The following CALHM3 variants were observed in gnomAD, a reference collection of about 807,000 sequenced individuals.
The protein encoded by CALHM3 is calcium homeostasis modulator protein 3.
A neutral mutation model predicts 13.6 loss-of-function variants in CALHM3; 9 were observed. The ratio of observed to expected loss-of-function variants is 0.66; its 90% CI spans 0.40 to 1.15. CALHM3 has a LOEUF of 1.15. Among genes scored for constraint, CALHM3 ranks in the 50% most tolerant of loss-of-function variants. The probability of loss-of-function intolerance (pLI) is 0.01; values close to 1 mark genes in which losing one functional copy is unlikely to be tolerated. For missense variants in CALHM3, 497 were observed against 463.4 expected, an observed-to-expected ratio of 1.07 and a Z score of -0.67; for synonymous variants, 231 against 213.2, an observed-to-expected ratio of 1.08 and a Z score of -0.73.
rs973751324 is a variant in CALHM3 at position 103,473,653 on chromosome 10, G to C, written c.595C>G (p.Arg199Gly). Reference protein sequence around the residue: ...LLLIIAAFLARCLRPCFDQTV... With the variant: ...LLLIIAAFLAGCLRPCFDQTV... ...TGGTCGAAGCAGGGCCTCAGGCAGC[G>C]GGCCAGGAAGGCCGCGATGATCAGC... The change falls in exon 3 of 3, where the codon CGC becomes GGC. Residue 199 changes from arginine to glycine, a missense_variant. Transcript: ENST00000369783. 7.1e-6 allele frequency: 11 copies of C among 1,550,748 alleles called. No individual in the cohort carries two copies. Among genetic ancestry groups the C allele is most frequent in the Non-Finnish European group, 8.7e-6 (10 of 1,146,978 alleles).
intron 2 of CALHM3, among the ~76,000 whole-genome samples, chr10:103,475,616 C>T (rs2033379003): frequency 2.0e-5 from 3 of 152,244 alleles, no homozygotes; most frequent in South Asian, 4.1e-4. Context: ...GTCCTCCCTC[C>T]ACCGCACCAT....
chr10:103,473,627 C>G lies in CALHM3; in HGVS notation c.621G>C (p.Gln207His). Residue 207 changes from glutamine (Q) to histidine (H), a missense_variant, in exon 3 of 3, where the codon CAG becomes CAC. Physicochemically the swap from Gln to His is conservative, Grantham distance 24. Coordinates refer to ENST00000369783, the MANE Select transcript of CALHM3 (RefSeq NM_001129742.2). ...AGTATCTGCGCTGCAGGAAGACTGT[C>G]TGGTCGAAGCAGGGCCTCAGGCAGC... ...LARCLRPCFD[Q>H]TVFLQRRYWS... 6.4e-7 allele frequency: 1 copy of G among 1,551,246 alleles called. No homozygotes were observed.
intron 2 of CALHM3, 54 bp from the exon 3 acceptor site, chr10:103,473,758 C>A: frequency 6.9e-7 from 1 of 1,457,488 alleles, no homozygotes; most frequent in Non-Finnish European, 9.0e-7. Context: ...ATCCTATATA[C>A]ATATGTATTT....
In CALHM3 at chr10:103,476,421, TC is replaced by T; in HGVS notation, c.415del (p.Asp139ThrfsTer5). 1 of 1,551,630 alleles carries T rather than the reference TC, an allele frequency of 6.4e-7. No individual in the cohort carries two copies. Among genetic ancestry groups the T allele is most frequent in the Non-Finnish European group, 8.7e-7 (1 of 1,147,000 alleles). Reference protein sequence around the residue: ...SSSVDPEKFLDFANMTPSQVQ... With the variant: ...SSSVDPEKFLXFANMTPSQVQ... ...CTGGCTGGGGGTCATGTTGGCAAAG[TC>T]CAGAAACTTCTCAGGGTCCACAGAG... is the stretch of plus-strand genomic sequence containing the variant. On this transcript the variant is annotated frameshift_variant, in exon 2 of 3. Coordinates refer to ENST00000369783, the MANE Select transcript of CALHM3 (RefSeq NM_001129742.2). LOFTEE classifies it high-confidence loss of function.
At chr10:103,476,664 C>G in intron 1 of CALHM3, 115 bp from the exon 2 acceptor site, 1 of 1,283,668 alleles carries the variant, frequency 7.8e-7, no homozygotes, top group Non-Finnish European at 1.1e-6. Flanking sequence ...GACTGCAGCT[C>G]CCAGTGTAGA....
Position 103,479,173 on chromosome 10 carries a change from G to C in CALHM3, c.-141C>G. On this transcript the variant is annotated 5_prime_UTR_variant, in exon 1 of 3. Coordinates refer to ENST00000369783, the MANE Select transcript of CALHM3 (RefSeq NM_001129742.2). ...GCTTCCAAGGGCCTGAGGGGCCAAGGAGGAAGCAGTGCCCAGGCCCCAGCC... is the reference window on the plus strand; with the variant it reads ...GCTTCCAAGGGCCTGAGGGGCCAAGCAGGAAGCAGTGCCCAGGCCCCAGCC... 1.0e-6 allele frequency: 1 copy of C among 991,784 alleles called. No homozygotes were observed. Among genetic ancestry groups the C allele is most frequent in the South Asian group, 1.7e-5 (1 of 58,724 alleles). 61.4% of individuals were successfully genotyped at this position (991,784 alleles called of 1,614,324 possible).
At position 103,476,376 on chromosome 10, in the gene CALHM3, T is replaced by G. The variant is rs768376244; in HGVS notation, c.461A>C (p.Lys154Thr). 1 of 1,551,728 alleles carries G rather than the reference T, an allele frequency of 6.4e-7. No individual in the cohort carries two copies. The highest frequency in any genetic ancestry group is 8.7e-7 in the Non-Finnish European group (1 of 1,147,000). The change falls in exon 2 of 3, where the codon AAG becomes ACG. Residue 154 changes from lysine to threonine, a missense_variant. Lys to Thr is a moderately conservative substitution (Grantham distance 78). Transcript: ENST00000369783. ...TPSQVQLFLA[K>T]VPCKEDELVR... Reference sequence around the variant, plus strand: ...CAGCTCATCCTCCTTGCAGGGAACCTTGGCCAGGAAGAGCTGTACCTGGCT... The same window carrying G: ...CAGCTCATCCTCCTTGCAGGGAACCGTGGCCAGGAAGAGCTGTACCTGGCT...
intron 2 of CALHM3, among the ~76,000 whole-genome samples, chr10:103,474,543 C>G (rs1306506194): frequency 5.3e-5 from 8 of 152,214 alleles, no homozygotes; most frequent in African/African-American, 1.9e-4. Flanking sequence ...GAACCTCCCC[C>G]TCCTGGGTTC....
Position 103,473,657 on chromosome 10 carries a change from C to G in CALHM3, c.591G>C (p.Leu197=), listed in dbSNP as rs374285815. The G allele has an allele frequency of 6.4e-7, 1 of 1,550,684 alleles. No homozygotes were observed. The highest frequency in any genetic ancestry group is 2.0e-5 in the Admixed American group (1 of 50,974). ...CGAAGCAGGGCCTCAGGCAGCGGGCCAGGAAGGCCGCGATGATCAGCAGCA... is the reference window on the plus strand; with the variant it reads ...CGAAGCAGGGCCTCAGGCAGCGGGCGAGGAAGGCCGCGATGATCAGCAGCA... ...VTLLLIIAAF[L]ARCLRPCFDQ... Residue 197 remains leucine (L), a synonymous_variant, in exon 3 of 3, where the codon CTG becomes CTC. Coordinates refer to ENST00000369783, the MANE Select transcript of CALHM3 (RefSeq NM_001129742.2).
At chr10:103,474,707 G>A (rs1382809766) in intron 2 of CALHM3, among the ~76,000 whole-genome samples, 9 of 151,994 alleles carry the variant, frequency 5.9e-5, no homozygotes, top group Admixed American at 4.6e-4. Flanking sequence ...CACCCGCCTC[G>A]GCCTCCCAAA....
intron 1 of CALHM3, among the ~76,000 whole-genome samples, chr10:103,477,049 A>G (rs962247412): frequency 1.3e-5 from 2 of 152,202 alleles, no homozygotes; most frequent in Non-Finnish European, 2.9e-5. Context: ...GATGTGTTCT[A>G]TGCATGCCCT....
At chr10:103,478,689 G>A in intron 1 of CALHM3, 57 bp downstream of exon 1, 21 of 1,456,524 alleles carry the variant, frequency 1.4e-5, no homozygotes, top group Non-Finnish European at 1.9e-5. Flanking sequence ...GTGCCTGTGG[G>A]GTGGCTGGGG....
chr10:103,477,577 CT>C (rs1318294099), intron 1 of CALHM3, among the ~76,000 whole-genome samples: 1 of 152,080 alleles, frequency 6.6e-6, no homozygotes, highest in Non-Finnish European at 1.5e-5. Context: ...ATTTTCTTTT[CT>C]TTTTTTGTCT....
intron 1 of CALHM3, among the ~76,000 whole-genome samples, chr10:103,477,423 A>G (rs2133832912): frequency 6.6e-6 from 1 of 152,320 alleles, no homozygotes; most frequent in Non-Finnish European, 1.5e-5. Flanking sequence ...AGAACATGGA[A>G]CAGAGGCTGA....
Position 103,473,334 on chromosome 10 carries a change from C to T in CALHM3, c.914G>A (p.Trp305Ter). 3.3e-6 allele frequency: 5 copies of T among 1,502,502 alleles called. No individual in the cohort carries two copies. Among genetic ancestry groups the T allele is most frequent in the East Asian group, 2.5e-5 (1 of 40,332 alleles). The allele number at this position is 1,502,502 out of a possible 1,614,324, so 93.1% of individuals were successfully genotyped here. A position where few individuals can be genotyped will look rare whatever the true frequency, so the allele number is the denominator to read the frequency against. The change falls in exon 3 of 3, where the codon TGG becomes TAG. Residue 305 changes from tryptophan (W) to a stop codon, truncating the protein, a stop_gained. Transcript: ENST00000369783. LOFTEE classifies it low-confidence loss of function (END_TRUNC). ...REQVDRLLSTWYSSKPPLDLA... is the reference protein window; with the variant it reads ...REQVDRLLST ...GTCCAGCGGCGGCTTGCTGGAGTACCACGTGCTTAGGAGGCGGTCCACCTG... is the reference window on the plus strand; with the variant it reads ...GTCCAGCGGCGGCTTGCTGGAGTACTACGTGCTTAGGAGGCGGTCCACCTG...
In CALHM3 at chr10:103,474,887, C is replaced by T. The variant is rs867828957; in HGVS notation, c.544-1183G>A. On this transcript the variant is annotated intron_variant, in intron 2 of 2. Coordinates refer to ENST00000369783, the MANE Select transcript of CALHM3 (RefSeq NM_001129742.2). ...GAACTAGGGGCTCAGTCGTTGCTCT[C>T]ACAGAGCTCATACCTTAGTGAAGGA... is the stretch of plus-strand genomic sequence containing the variant. Among the ~76,000 whole-genome samples, 7 of 152,158 alleles carry T rather than the reference C, an allele frequency of 4.6e-5. No individual in the cohort carries two copies. The South Asian group carries it at 1.0e-3, about 23-fold the overall frequency.
chr10:103,473,470 G>C lies in CALHM3; in HGVS notation c.778C>G (p.Arg260Gly). 1 of 1,545,088 alleles carries C rather than the reference G, an allele frequency of 6.5e-7. No homozygotes were observed. The highest frequency in any genetic ancestry group is 8.7e-7 in the Non-Finnish European group (1 of 1,144,460). The stretch of plus-strand genomic sequence containing the variant: ...AGTCTCCTGCCTGCATTGCCCCGGC[G>C]CAGCCCCCGCGCCTGCAGCTCACTC... ...MRSELQARGL[R>G]RGNAGRRLEL... Residue 260 changes from arginine (R) to glycine (G), a missense_variant, in exon 3 of 3, where the codon CGC becomes GGC. Coordinates refer to ENST00000369783, the MANE Select transcript of CALHM3 (RefSeq NM_001129742.2).
In CALHM3 at chr10:103,476,623, C is replaced by G. The variant is rs1592163916; in HGVS notation, c.288-74G>C. ...GCAGCAGGGGAGGTGCAAGGATGGA[C>G]TGCTGGGAAGTCCCAGGCTGGGTTA... On this transcript the variant is annotated intron_variant, in intron 1 of 2. Transcript: ENST00000369783. The G allele has an allele frequency of 4.0e-6, 6 of 1,513,892 alleles. No individual in the cohort carries two copies. In the South Asian group the frequency reaches 6.1e-5, roughly 15 times the overall value. 93.8% of individuals were successfully genotyped at this position (1,513,892 alleles called of 1,614,324 possible).
chr10:103,476,642 TG>T, intron 1 of CALHM3, 93 bp from the exon 2 acceptor site: 1 of 1,451,316 alleles, frequency 6.9e-7, no homozygotes, highest in East Asian at 2.5e-5. Context: ...AGTCCCAGGC[TG>T]GGTTACATCA....
Sources: allele counts gnomAD v4.1 joint callset (sites outside exome capture counted in the v4.1 genomes callset), GRCh38; gene constraint gnomAD v4.1.1; transcripts MANE v1.5; gene names NCBI Gene and HGNC (gene_info 2026-07-23, HGNC 2026-07-21).